KANK1: variants seen among roughly 807,000 people sequenced by gnomAD.
KANK1 encodes KN motif and ankyrin repeat domain-containing protein 1.
In KANK1, 109 loss-of-function variants were observed where a neutral mutation model predicts 106.2. The observed-to-expected ratio is 1.03, with a 90% CI of 0.88 to 1.20. The LOEUF (loss-of-function observed/expected upper bound fraction) is 1.20. Ranked by LOEUF, KANK1 falls within the 50% of genes most tolerant of loss-of-function variation. The pLI is 0.00. For synonymous variants in KANK1, 873 were observed against 652.2 expected (o/e 1.34, Z -5.16); for missense variants, 2,399 against 1,710.7 (o/e 1.40, Z -7.10).
At chr9:475,993 C>G (rs184459518) in intron 3 of KANK1, among the ~76,000 whole-genome samples, 119 of 151,012 alleles carry the variant, frequency 7.9e-4, no homozygotes, top group African/African-American at 2.5e-3. Context: ...GCTGGGATTA[C>G]AGGTGCCTGC....
At chr9:591,074 C>A (rs1824759608) in intron 1 of KANK1, among the ~76,000 whole-genome samples, 1 of 151,552 alleles carries the variant, frequency 6.6e-6, no homozygotes, top group Admixed American at 6.6e-5. Flanking sequence ...CATTTATATT[C>A]CTTTGTGAGT....
At chr9:597,703 G>T (rs1007246773) in intron 1 of KANK1, among the ~76,000 whole-genome samples, 1 of 150,074 alleles carries the variant, frequency 6.7e-6, no homozygotes, top group African/African-American at 2.5e-5. Flanking sequence ...TTGCTCTGTT[G>T]CCCAGGCTGG....
chr9:619,819 C>G (rs930143371), intron 1 of KANK1, among the ~76,000 whole-genome samples: 1 of 151,916 alleles, frequency 6.6e-6, no homozygotes, highest in African/African-American at 2.4e-5. Flanking sequence ...GATTGTTTTT[C>G]CAAGCAGAGT....
At chr9:744,875 C>G in intron 11 of KANK1, 1 of 1,411,482 alleles carries the variant, frequency 7.1e-7, no homozygotes, top group Non-Finnish European at 9.2e-7. Flanking sequence ...GCCCCTGAGC[C>G]CATGGGGATA....
chr9:500,494 C>A (rs1300736540), upstream of KANK1, among the ~76,000 whole-genome samples: 2 of 152,288 alleles, frequency 1.3e-5, no homozygotes, highest in African/African-American at 2.4e-5. Context: ...TCTGCTGGCC[C>A]TATGCTGATG....
chr9:564,214 C>T (rs1313954807), intron 1 of KANK1, among the ~76,000 whole-genome samples: 1 of 152,016 alleles, frequency 6.6e-6, no homozygotes, highest in Non-Finnish European at 1.5e-5. Context: ...CGCCCGCCAC[C>T]ACGCCCGGCT....
At chr9:470,645 A>G (rs978447854) in exon 2 of KANK1, 5 of 152,380 alleles carry the variant, frequency 3.3e-5, no homozygotes, top group African/African-American at 1.2e-4. Context: ...CCGCCACTCC[A>G]GTGGGAACGG....
intron 2 of KANK1, among the ~76,000 whole-genome samples, chr9:694,979 T>G (rs1272340315): frequency 6.6e-6 from 1 of 152,158 alleles, no homozygotes; most frequent in African/African-American, 2.4e-5. Flanking sequence ...CGACAGTTAC[T>G]CATAGCCTGG....
Position 710,905 on chromosome 9 carries a change from A to C in KANK1, c.139A>C (p.Lys47Gln). 1 of 1,614,204 alleles carries C rather than the reference A, an allele frequency of 6.2e-7. No homozygotes were observed. ...YGYQLDLDFL[K>Q]YVDDIQKGNT... ...TTATCAACTAGACTTAGATTTCCTC[A>C]AATATGTGGATGACATACAGAAGGG... Residue 47 changes from lysine (K) to glutamine (Q), a missense_variant, in exon 3 of 12, where the codon AAA (lysine) becomes CAA (glutamine). Lys to Gln is a moderately conservative substitution (Grantham distance 53). Transcript: ENST00000382297.
chr9:563,325 G>A (rs1431625548), intron 1 of KANK1, among the ~76,000 whole-genome samples: 1 of 151,962 alleles, frequency 6.6e-6, no homozygotes, highest in Non-Finnish European at 1.5e-5. Context: ...TGTTCTTTGT[G>A]CATTGTGTTT....
intron 1 of KANK1, among the ~76,000 whole-genome samples, chr9:515,399 A>G (rs2059238027): frequency 1.3e-5 from 2 of 150,428 alleles, no homozygotes; most frequent in Non-Finnish European, 2.9e-5. Flanking sequence ...GAGACATTGT[A>G]TCAGTTCTTT....
At chr9:660,740 A>G (rs1351935602) in intron 1 of KANK1, among the ~76,000 whole-genome samples, 2 of 152,190 alleles carry the variant, frequency 1.3e-5, no homozygotes, top group African/African-American at 4.8e-5. Flanking sequence ...GGGGTAAGGC[A>G]GCAACAGCAA....
intron 1 of KANK1, among the ~76,000 whole-genome samples, chr9:582,260 C>T (rs1259100101): frequency 2.0e-5 from 3 of 151,872 alleles, no homozygotes; most frequent in Non-Finnish European, 4.4e-5. Context: ...CTTTACCTGC[C>T]CCAAATTGTC....
chr9:510,413 T>C (rs947907910), intron 1 of KANK1, among the ~76,000 whole-genome samples: 2 of 152,232 alleles, frequency 1.3e-5, no homozygotes, highest in Non-Finnish European at 2.9e-5. Context: ...TTCTTACACA[T>C]GACCAAGGAG....
chr9:493,488 G>A (rs2058410843), intron 3 of KANK1, among the ~76,000 whole-genome samples: 1 of 151,236 alleles, frequency 6.6e-6, no homozygotes. Flanking sequence ...TCACTGGATG[G>A]TTCTCAGGAA....
chr9:491,025 C>A (rs532077839), intron 3 of KANK1, among the ~76,000 whole-genome samples: 6 of 138,118 alleles, frequency 4.3e-5, no homozygotes, highest in Admixed American at 2.3e-4. Flanking sequence ...AGTGGTACAA[C>A]CATGGCTCAC....
intron 1 of KANK1, among the ~76,000 whole-genome samples, chr9:603,602 G>A (rs542921248): frequency 6.6e-6 from 1 of 151,794 alleles, no homozygotes; most frequent in South Asian, 2.1e-4. Flanking sequence ...TTCTAGAACA[G>A]CAAAATATTT....
At chr9:558,089 G>C (rs1344810352) in intron 1 of KANK1, among the ~76,000 whole-genome samples, 1 of 152,194 alleles carries the variant, frequency 6.6e-6, no homozygotes, top group African/African-American at 2.4e-5. Context: ...GATGCTGTGA[G>C]AGGAGGTGGA....
chr9:693,770 A>G lies in KANK1; in HGVS notation c.37+16761A>G, dbSNP rs940375492. On this transcript the variant is annotated intron_variant, in intron 2 of 11. Coordinates refer to ENST00000382297, the MANE Select transcript of KANK1 (RefSeq NM_015158.5). ...TTCCTGCTCGCTGAAAATCACAGTT[A>G]TTTTGTTTCTGGGTGGGTAAGTAAG... is the stretch of plus-strand genomic sequence containing the variant. 6.1e-6 allele frequency: 6 copies of G among 985,182 alleles called. No homozygotes were observed. In the African/African-American group the frequency reaches 7.0e-5, roughly 11 times the overall value. The allele number at this position is 985,182 out of a possible 1,614,324, so 61.0% of individuals were successfully genotyped here.
Sources: gnomAD v4.1 joint callset for allele counts (sites outside exome capture counted in the v4.1 genomes callset) on GRCh38, gnomAD v4.1.1 for gene constraint, MANE v1.5 for transcripts, NCBI Gene and HGNC (gene_info 2026-07-23, HGNC 2026-07-21) for gene names.